ADCK1: variants seen among roughly 807,000 people sequenced by gnomAD.
ADCK1 encodes the protein aarF domain containing kinase 1.
In ADCK1, 41 loss-of-function variants were observed where a neutral mutation model predicts 52.3. The observed-to-expected ratio is 0.78, with a 90% CI of 0.61 to 1.02. The LOEUF (loss-of-function observed/expected upper bound fraction) is 1.02. ADCK1 is among the 50% of genes least tolerant of loss of function. The pLI is 0.00. For missense variants in ADCK1, 658 were observed against 679.5 expected (o/e 0.97, Z 0.35); for synonymous variants, 250 against 274.6 (o/e 0.91, Z 0.89).
intron 5 of ADCK1, among the ~76,000 whole-genome samples, chr14:77,888,539 A>G (rs2083212124): frequency 6.6e-6 from 1 of 152,104 alleles, no homozygotes; most frequent in South Asian, 2.1e-4. Flanking sequence ...GAAGGCAGAA[A>G]GACTGTAGCC....
chr14:77,914,355 C>G lies in ADCK1; in HGVS notation c.858+6436C>G, dbSNP rs529186338. On this transcript the variant is annotated intron_variant, in intron 7 of 10. Coordinates refer to ENST00000238561, the MANE Select transcript of ADCK1 (RefSeq NM_020421.4). The stretch of plus-strand genomic sequence containing the variant: ...TTCGTGAAGGAGTAGAGTCCGTGGC[C>G]TGGGTTCCACCTGCCATGCTTAGCC... 16 of 970,650 alleles carry G rather than the reference C, an allele frequency of 1.6e-5. 1 individual carries two copies. The South Asian group carries it at 3.3e-4, about 20-fold the overall frequency. 60.1% of individuals were successfully genotyped at this position (970,650 alleles called of 1,614,324 possible).
At chr14:77,852,683 A>ATATATTATATATATATATATAT (rs1566667356) in intron 3 of ADCK1, among the ~76,000 whole-genome samples, 2 of 84,024 alleles carry the variant, frequency 2.4e-5, no homozygotes, top group Non-Finnish European at 4.7e-5. Context: ...ATATATATAT[A>ATATATTATATATATATATATAT]TATATATATA....
intron 1 of ADCK1, among the ~76,000 whole-genome samples, chr14:77,810,640 C>T (rs1023658217): frequency 1.3e-5 from 2 of 151,804 alleles, no homozygotes; most frequent in African/African-American, 2.4e-5. Flanking sequence ...ACGCCATTTT[C>T]CTACCTCAGC....
intron 5 of ADCK1, among the ~76,000 whole-genome samples, chr14:77,897,568 C>G (rs1316715771): frequency 6.6e-6 from 1 of 152,172 alleles, no homozygotes; most frequent in Non-Finnish European, 1.5e-5. Flanking sequence ...AACATGTCAT[C>G]ACTCAAGAAT....
intron 3 of ADCK1, among the ~76,000 whole-genome samples, chr14:77,831,109 C>T (rs2081838933): frequency 6.6e-6 from 1 of 152,074 alleles, no homozygotes; most frequent in Admixed American, 6.6e-5. Flanking sequence ...GCTTACCTAC[C>T]CAGGCAGACA....
At chr14:77,901,616 C>T (rs2083546818) in intron 6 of ADCK1, among the ~76,000 whole-genome samples, 1 of 152,102 alleles carries the variant, frequency 6.6e-6, no homozygotes, top group Admixed American at 6.5e-5. Flanking sequence ...TCTCAAACTC[C>T]TGACCTCAAA....
At chr14:77,844,371 A>G (rs2082134118) in intron 3 of ADCK1, among the ~76,000 whole-genome samples, 1 of 152,042 alleles carries the variant, frequency 6.6e-6, no homozygotes, top group South Asian at 2.1e-4. Context: ...GTGAGCCACC[A>G]CGCCTGGCCT....
At chr14:77,813,813 G>A (rs1472732183) in intron 1 of ADCK1, among the ~76,000 whole-genome samples, 3 of 149,292 alleles carry the variant, frequency 2.0e-5, no homozygotes, top group Non-Finnish European at 4.4e-5. Context: ...TGTCACCCAC[G>A]CTGTAGTGCG....
intron 3 of ADCK1, among the ~76,000 whole-genome samples, chr14:77,843,765 CTTG>C (rs2082121878): frequency 6.6e-6 from 1 of 152,196 alleles, no homozygotes; most frequent in Non-Finnish European, 1.5e-5. Context: ...ATTATTGATG[CTTG>C]TAATTCCACC....
chr14:77,882,078 C>A (rs1246217845), intron 4 of ADCK1, among the ~76,000 whole-genome samples: 1 of 150,498 alleles, frequency 6.6e-6, no homozygotes, highest in Non-Finnish European at 1.5e-5. Flanking sequence ...GTTTTCTGCC[C>A]AAGGCAGACA....
intron 6 of ADCK1, among the ~76,000 whole-genome samples, chr14:77,904,999 C>CT (rs1166655723): frequency 6.6e-6 from 1 of 152,216 alleles, no homozygotes; most frequent in African/African-American, 2.4e-5. Context: ...GCGCAGCTCA[C>CT]TTTTTTAACT....
intron 5 of ADCK1, among the ~76,000 whole-genome samples, chr14:77,896,839 G>A (rs574264656): frequency 1.3e-5 from 2 of 152,340 alleles, no homozygotes; most frequent in African/African-American, 2.4e-5. Flanking sequence ...TTAAACTACA[G>A]CCAAATGTAA....
Position 77,907,865 on chromosome 14 carries a change from C to CG in ADCK1, c.807dup (p.Gln270AlafsTer4). 1 of 1,613,964 alleles carries CG rather than the reference C, an allele frequency of 6.2e-7. No individual in the cohort carries two copies. The highest frequency in any genetic ancestry group is 8.5e-7 in the Non-Finnish European group (1 of 1,179,930). ...TCCTCCTGATGGAGTTTGTGGATGG[C>CG]GGGCAGGTCAATGACAGAGACTACA... On this transcript the variant is annotated frameshift_variant, in exon 7 of 11. Coordinates refer to ENST00000238561, the MANE Select transcript of ADCK1 (RefSeq NM_020421.4). LOFTEE classifies it high-confidence loss of function.
In ADCK1 at chr14:77,889,492, G is replaced by C. The variant is rs1258322161; in HGVS notation, c.582+2243G>C. Among the ~76,000 whole-genome samples, 6 of 152,272 alleles carry C rather than the reference G, an allele frequency of 3.9e-5. No homozygotes were observed. The East Asian group carries it at 1.2e-3, about 29-fold the overall frequency. On this transcript the variant is annotated intron_variant, in intron 5 of 10. Transcript: ENST00000238561. ...AGGGTACAGCTGGGGAAAATAACTTGCTCTATGTTACTCCCAGATCATAGA... is the reference window on the plus strand; with the variant it reads ...AGGGTACAGCTGGGGAAAATAACTTCCTCTATGTTACTCCCAGATCATAGA...
intron 4 of ADCK1, among the ~76,000 whole-genome samples, chr14:77,879,330 A>G (rs1172577070): frequency 5.3e-5 from 8 of 152,220 alleles, no homozygotes; most frequent in Non-Finnish European, 1.0e-4. Flanking sequence ...GAAGAGGTAA[A>G]TGTGCAGCTG....
chr14:77,866,564 C>T (rs1034102139), intron 4 of ADCK1, among the ~76,000 whole-genome samples: 1 of 152,136 alleles, frequency 6.6e-6, no homozygotes, highest in Admixed American at 6.5e-5. Context: ...TTTGGCAGCT[C>T]TCCTCTGGAT....
At chr14:77,807,372 G>A (rs1051505418) in intron 1 of ADCK1, among the ~76,000 whole-genome samples, 3 of 150,006 alleles carry the variant, frequency 2.0e-5, no homozygotes, top group African/African-American at 7.4e-5. Flanking sequence ...CCGGCCTGGA[G>A]ACAGAGTCTT....
intron 5 of ADCK1, among the ~76,000 whole-genome samples, chr14:77,894,301 G>A (rs1595040063): frequency 6.6e-6 from 1 of 152,148 alleles, no homozygotes; most frequent in Non-Finnish European, 1.5e-5. Context: ...CTTGTTGAAC[G>A]TTCATTTTTA....
At chr14:77,827,890 G>A (rs1478911222) in intron 3 of ADCK1, 9 of 407,088 alleles carry the variant, frequency 2.2e-5, no homozygotes, top group African/African-American at 8.8e-5. Context: ...GTGCATTGGC[G>A]TGATCTCGGC....
Sources: gnomAD v4.1 joint callset for allele counts (sites outside exome capture counted in the v4.1 genomes callset) on GRCh38, gnomAD v4.1.1 for gene constraint, MANE v1.5 for transcripts, NCBI Gene and HGNC (gene_info 2026-07-23, HGNC 2026-07-21) for gene names.